SLC35F4: variants seen among roughly 807,000 people sequenced by gnomAD.
The protein encoded by SLC35F4 is chromosome 14 open reading frame 36.
A neutral mutation model predicts 44.2 loss-of-function variants in SLC35F4; 24 were observed. The ratio of observed to expected loss-of-function variants is 0.54; its 90% CI spans 0.39 to 0.76. The LOEUF (loss-of-function observed/expected upper bound fraction) is 0.76. SLC35F4 is among the 30% of genes least tolerant of loss of function. The probability of loss-of-function intolerance (pLI) is 0.00; values close to 1 mark genes in which losing one functional copy is unlikely to be tolerated. For synonymous variants in SLC35F4, 238 were observed against 223.6 expected, an observed-to-expected ratio of 1.06 and a Z score of -0.57; for missense variants, 562 against 586.1, an observed-to-expected ratio of 0.96 and a Z score of 0.42.
intron 1 of SLC35F4, among the ~76,000 whole-genome samples, chr14:57,884,923 TATC>T (rs1173519042): frequency 5.3e-5 from 8 of 152,128 alleles, no homozygotes; most frequent in Non-Finnish European, 1.5e-5. Context: ...GTGATAAGGA[TATC>T]ATAAACAGTA....
At chr14:57,711,290 T>C (rs1194884731) in intron 1 of SLC35F4, among the ~76,000 whole-genome samples, 1 of 152,138 alleles carries the variant, frequency 6.6e-6, no homozygotes, top group African/African-American at 2.4e-5. Context: ...GATTGTAAGT[T>C]CCCTGAGGCC....
At chr14:57,604,679 G>A (rs1566672592) in intron 1 of SLC35F4, among the ~76,000 whole-genome samples, 1 of 152,028 alleles carries the variant, frequency 6.6e-6, no homozygotes, top group Non-Finnish European at 1.5e-5. Flanking sequence ...CAAAACCAGA[G>A]GCATCACATT....
intron 1 of SLC35F4, among the ~76,000 whole-genome samples, chr14:57,621,073 T>A (rs1177337127): frequency 2.0e-4 from 31 of 151,240 alleles, no homozygotes; most frequent in South Asian, 6.3e-4. Context: ...CACAATTGCT[T>A]CAAAGAGAAT....
intron 1 of SLC35F4, among the ~76,000 whole-genome samples, chr14:57,642,287 G>C (rs553775404): frequency 6.6e-6 from 1 of 151,394 alleles, no homozygotes; most frequent in Non-Finnish European, 1.5e-5. Flanking sequence ...ATTGAAGACC[G>C]AGAGCTAGTG....
At chr14:57,767,558 A>T (rs1353484492) in intron 1 of SLC35F4, among the ~76,000 whole-genome samples, 1 of 152,152 alleles carries the variant, frequency 6.6e-6, no homozygotes, top group Non-Finnish European at 1.5e-5. Context: ...CAAGAGATAA[A>T]TTTATTGTAC....
intron 1 of SLC35F4, among the ~76,000 whole-genome samples, chr14:57,859,591 G>A (rs184433192): frequency 5.3e-5 from 8 of 152,298 alleles, no homozygotes; most frequent in African/African-American, 1.9e-4. Flanking sequence ...TTCCACAGAA[G>A]TGAAAAATTA....
intron 1 of SLC35F4, among the ~76,000 whole-genome samples, chr14:57,818,103 G>T (rs1882798917): frequency 6.6e-6 from 1 of 152,140 alleles, no homozygotes; most frequent in Non-Finnish European, 1.5e-5. Context: ...TGTGGAATTT[G>T]GTAATGGCAG....
At chr14:57,743,506 C>T (rs917430342) in intron 1 of SLC35F4, among the ~76,000 whole-genome samples, 15 of 151,994 alleles carry the variant, frequency 9.9e-5, no homozygotes, top group Non-Finnish European at 1.9e-4. Flanking sequence ...ACACATACAC[C>T]CTCCCAAGAC....
At chr14:57,598,027 A>G (rs2070595023) in intron 1 of SLC35F4, among the ~76,000 whole-genome samples, 1 of 152,212 alleles carries the variant, frequency 6.6e-6, no homozygotes, top group Non-Finnish European at 1.5e-5. Flanking sequence ...AATTGGTTTA[A>G]AGCTAAAAGG....
intron 1 of SLC35F4, among the ~76,000 whole-genome samples, chr14:57,951,366 G>T (rs1247802194): frequency 6.6e-6 from 1 of 152,122 alleles, no homozygotes; most frequent in Admixed American, 6.5e-5. Context: ...TGGCTGTTTG[G>T]GCAGACACCG....
rs116336049 is a variant in SLC35F4, at chr14:57,887,812, A to T, written n.282+94101T>A. ...AAGAGGGAGCCTCAACAGCGATACA[A>T]AGTCATGCCTAACTGTGAAGTTTGC... On this transcript the variant is annotated intron_variant and non_coding_transcript_variant, in intron 1 of 1. Transcript: ENST00000556568. 6.8e-3 allele frequency among the ~76,000 whole-genome samples: 1,040 copies of T among 152,242 alleles called. 12 individuals are homozygous for T. Among genetic ancestry groups the T allele is most frequent in the African/African-American group, 0.024 (995 of 41,536 alleles).
intron 1 of SLC35F4, among the ~76,000 whole-genome samples, chr14:57,768,247 T>C (rs1449858037): frequency 6.6e-6 from 1 of 152,238 alleles, no homozygotes; most frequent in Admixed American, 6.5e-5. Context: ...AAATGCTTTT[T>C]TCAGTTTATC....
At chr14:57,692,421 C>A (rs757178492) in intron 1 of SLC35F4, among the ~76,000 whole-genome samples, 5 of 152,010 alleles carry the variant, frequency 3.3e-5, no homozygotes, top group Non-Finnish European at 7.4e-5. Flanking sequence ...ATCATTTTAT[C>A]TTCCAGCAGA....
At chr14:57,684,072 T>C (rs985377930) in intron 1 of SLC35F4, among the ~76,000 whole-genome samples, 1 of 152,162 alleles carries the variant, frequency 6.6e-6, no homozygotes, top group Non-Finnish European at 1.5e-5. Context: ...CGCAGGGCAC[T>C]CATGCCTCTC....
intron 1 of SLC35F4, among the ~76,000 whole-genome samples, chr14:57,649,151 T>G (rs2073673429): frequency 6.6e-6 from 1 of 152,226 alleles, no homozygotes. Flanking sequence ...ACATCACAGC[T>G]TGTGTCCCCA....
At chr14:57,742,494 T>C (rs2076637424) in intron 1 of SLC35F4, among the ~76,000 whole-genome samples, 1 of 152,024 alleles carries the variant, frequency 6.6e-6, no homozygotes, top group Non-Finnish European at 1.5e-5. Flanking sequence ...TACATAATGG[T>C]AAAGGGATCA....
At chr14:57,978,999 T>C (rs1422046271) in intron 1 of SLC35F4, among the ~76,000 whole-genome samples, 1 of 152,184 alleles carries the variant, frequency 6.6e-6, no homozygotes, top group Non-Finnish European at 1.5e-5. Context: ...ATGGGATTCA[T>C]AGGACATCTG....
chr14:57,942,991 G>GT (rs1343884281), intron 1 of SLC35F4, among the ~76,000 whole-genome samples: 2 of 152,066 alleles, frequency 1.3e-5, no homozygotes, highest in Admixed American at 6.6e-5. Context: ...CTTGAATCTA[G>GT]TTTTTTTAAA....
chr14:57,663,206 T>G (rs1031991551), intron 1 of SLC35F4, among the ~76,000 whole-genome samples: 2 of 152,212 alleles, frequency 1.3e-5, no homozygotes, highest in Non-Finnish European at 2.9e-5. Flanking sequence ...TTTTACCGTA[T>G]AGATGTAGAA....
Sources: gnomAD v4.1 joint callset for allele counts (sites outside exome capture counted in the v4.1 genomes callset) on GRCh38, gnomAD v4.1.1 for gene constraint, MANE v1.5 for transcripts, NCBI Gene and HGNC (gene_info 2026-07-23, HGNC 2026-07-21) for gene names.